The following CDH26 variants were observed in gnomAD, a reference collection of about 807,000 sequenced individuals.
The protein encoded by CDH26 is cadherin-like protein 26.
CDH26 carries 83 observed loss-of-function variants against 90.3 expected under a neutral mutation model. The observed-to-expected ratio is 0.92, with a 90% CI of 0.77 to 1.10. The LOEUF (loss-of-function observed/expected upper bound fraction) is 1.10, where lower values mean the gene tolerates loss of function less well. Ranked by LOEUF, CDH26 falls within the 50% of genes least tolerant of loss-of-function variation. CDH26 has a pLI of 0.00. For missense variants in CDH26, 1,013 were observed against 1,037.6 expected (o/e 0.98, Z 0.33); for synonymous variants, 397 against 396.3 (o/e 1.00, Z -0.02).
chr20:60,020,966 G>A (rs2061947295), intron 7 of CDH26, among the ~76,000 whole-genome samples: 2 of 152,126 alleles, frequency 1.3e-5, no homozygotes, highest in African/African-American at 4.8e-5. Flanking sequence ...ATCAGATCCA[G>A]GCAGGGGAGA....
intron 1 of CDH26, among the ~76,000 whole-genome samples, chr20:59,967,247 A>C (rs1318280587): frequency 3.3e-5 from 5 of 152,238 alleles, no homozygotes; most frequent in Non-Finnish European, 5.9e-5. Context: ...ACATCTCAAC[A>C]CTTCGAAGCA....
At chr20:60,003,298 T>C (rs1286116193) in intron 16 of CDH26, among the ~76,000 whole-genome samples, 2 of 152,224 alleles carry the variant, frequency 1.3e-5, no homozygotes. Context: ...AACATCTAAG[T>C]ACTAATTTTG....
intron 8 of CDH26, among the ~76,000 whole-genome samples, 177 bp from the exon 9 acceptor site, chr20:59,988,727 C>A (rs2145989942): frequency 6.6e-6 from 1 of 152,212 alleles, no homozygotes; most frequent in East Asian, 1.9e-4. Flanking sequence ...AAAAGAACTC[C>A]ATAAATGATT....
At chr20:60,010,979 C>T (rs1049801002) in intron 17 of CDH26, among the ~76,000 whole-genome samples, 1 of 152,130 alleles carries the variant, frequency 6.6e-6, no homozygotes, top group Non-Finnish European at 1.5e-5. Context: ...CCCTGACATC[C>T]CTATTTCATC....
At chr20:60,034,864 A>G (rs1056318628), downstream of CDH26, among the ~76,000 whole-genome samples, 1 of 152,234 alleles carries the variant, frequency 6.6e-6, no homozygotes, top group Non-Finnish European at 1.5e-5. Context: ...AGGCTCCGGC[A>G]CAGGTGGGGA....
At chr20:60,005,540 A>G (rs1414370781) in intron 16 of CDH26, among the ~76,000 whole-genome samples, 1 of 152,204 alleles carries the variant, frequency 6.6e-6, no homozygotes, top group Non-Finnish European at 1.5e-5. Context: ...TCATGGACAT[A>G]CATAATTGCC....
exon 9 of CDH26, chr20:60,033,628 C>T (rs1443409201): frequency 7.7e-7 from 1 of 1,304,904 alleles, no homozygotes; most frequent in Non-Finnish European, 1.0e-6. Flanking sequence ...CAGGAGACTA[C>T]AGAGGAGAAT....
At chr20:59,981,372 T>C (rs1323730342) in intron 4 of CDH26, among the ~76,000 whole-genome samples, 1 of 152,186 alleles carries the variant, frequency 6.6e-6, no homozygotes, top group Non-Finnish European at 1.5e-5. Context: ...AAACACAGTA[T>C]ATCTTTTCAT....
intron 1 of CDH26, among the ~76,000 whole-genome samples, chr20:59,967,682 C>T (rs2061167062): frequency 6.6e-6 from 1 of 151,830 alleles, no homozygotes; most frequent in Non-Finnish European, 1.5e-5. Flanking sequence ...CTTTCGTTTG[C>T]TGCTGGTTCT....
Position 59,971,985 on chromosome 20 carries a change from C to A in CDH26, c.255C>A (p.Asn85Lys). The A allele has an allele frequency of 6.2e-7, 1 of 1,613,724 alleles. No individual in the cohort carries two copies. Among genetic ancestry groups the A allele is most frequent in the South Asian group, 1.1e-5 (1 of 91,066 alleles). Reference sequence around the variant, plus strand: ...AGCTGTTCAATAATATGTCTTATAACATGTCACTAATGTATCTAATCAGTG... The same window carrying A: ...AGCTGTTCAATAATATGTCTTATAAAATGTCACTAATGTATCTAATCAGTG... ...IGELFNNMSY[N>K]MSLMYLISGP... The change falls in exon 4 of 18, where the codon AAC becomes AAA. Residue 85 changes from asparagine to lysine, a missense_variant. By Grantham distance (94) the Asn-to-Lys change is moderately conservative. Transcript: ENST00000348616.
At chr20:60,024,581 C>T (rs186967843) in intron 7 of CDH26, among the ~76,000 whole-genome samples, 6 of 152,296 alleles carry the variant, frequency 3.9e-5, no homozygotes, top group African/African-American at 1.4e-4. Flanking sequence ...CTGTGCTTTA[C>T]CCTGGGTTGC....
At chr20:60,034,418 G>T (rs1383694190), downstream of CDH26, among the ~76,000 whole-genome samples, 1 of 152,224 alleles carries the variant, frequency 6.6e-6, no homozygotes, top group East Asian at 1.9e-4. Flanking sequence ...TTGGGAACAA[G>T]CCAGGCCCAG....
intron 14 of CDH26, among the ~76,000 whole-genome samples, chr20:60,000,736 T>C (rs958955828): frequency 3.3e-5 from 5 of 152,204 alleles, no homozygotes; most frequent in African/African-American, 1.2e-4. Flanking sequence ...TTCCCTTCAG[T>C]GTCCTGCAAA....
In CDH26 at chr20:60,033,673, C is replaced by G. The variant is rs757781713; in HGVS notation, c.1332C>G (p.Gly444=). 4.7e-5 allele frequency: 61 copies of G among 1,303,824 alleles called. No homozygotes were observed. In the Middle Eastern group the frequency reaches 6.4e-4, roughly 14 times the overall value. 80.8% of individuals were successfully genotyped at this position (1,303,824 alleles called of 1,614,324 possible). ...GTCACAATTGCAGGGCTGTCTCAGGCTGAGCAGAGAGTACGGTGGAGGGGC... is the reference window on the plus strand; with the variant it reads ...GTCACAATTGCAGGGCTGTCTCAGGGTGAGCAGAGAGTACGGTGGAGGGGC... The change falls in exon 9 of 9, where the codon GGC becomes GGG. Residue 444 remains glycine (G), a synonymous_variant. Transcript: ENST00000370991.
chr20:60,018,654 ATGT>A (rs1246027104), downstream of CDH26, among the ~76,000 whole-genome samples: 1 of 90,482 alleles, frequency 1.1e-5, no homozygotes, highest in Non-Finnish European at 2.3e-5. Context: ...ATTGATTGCC[ATGT>A]TGTTATTTTG....
At chr20:59,963,599 C>T (rs2061106340) in intron 1 of CDH26, among the ~76,000 whole-genome samples, 1 of 152,060 alleles carries the variant, frequency 6.6e-6, no homozygotes, top group Non-Finnish European at 1.5e-5. Flanking sequence ...AAATTCAGTC[C>T]TATACTAGCA....
rs546306832 is a variant in CDH26 at position 59,993,010 on chromosome 20, A to G, written c.1426+490A>G. 2.0e-5 allele frequency among the ~76,000 whole-genome samples: 3 copies of G among 152,362 alleles called. 1 individual carries two copies. In the South Asian group the frequency reaches 6.2e-4, roughly 32 times the overall value. On this transcript the variant is annotated intron_variant, in intron 10 of 17. Coordinates refer to ENST00000348616, the MANE Select transcript of CDH26 (RefSeq NM_177980.4). ...TTTAAACACACCAAAGCAGAGTTGA[A>G]GAAATAAAAATGTTCAAATAACTTT...
chr20:59,984,116 T>C (rs1366704634), intron 5 of CDH26, among the ~76,000 whole-genome samples: 1 of 152,264 alleles, frequency 6.6e-6, no homozygotes, highest in East Asian at 1.9e-4. Flanking sequence ...CCTCATTTGC[T>C]GACCTGCCCC....
chr20:60,012,395 G>A (rs2061856916), intron 17 of CDH26, 132 bp from the exon 18 acceptor site: 14 of 754,646 alleles, frequency 1.9e-5, no homozygotes, highest in Non-Finnish European at 1.5e-5. Flanking sequence ...ACGAACTCCT[G>A]TGTCAGCTGA....
Sources: allele counts gnomAD v4.1 joint callset (sites outside exome capture counted in the v4.1 genomes callset), GRCh38; gene constraint gnomAD v4.1.1; transcripts MANE v1.5; gene names NCBI Gene and HGNC (gene_info 2026-07-23, HGNC 2026-07-21).